Variants in LMO1 observed in about 807,000 individuals in gnomAD.
LMO1 encodes the protein LIM domain only 1.
Under a neutral mutation model 18.0 loss-of-function variants are expected in LMO1, and 10 were observed. That is an observed-to-expected ratio of 0.55 (90% confidence interval 0.34 to 0.94). The LOEUF is 0.94. LMO1 is among the 40% of genes least tolerant of loss of function. The probability of loss-of-function intolerance (pLI) is 0.02; values close to 1 mark genes in which losing one functional copy is unlikely to be tolerated. For missense variants in LMO1, 183 were observed against 205.7 expected (o/e 0.89, Z 0.68); for synonymous variants, 77 against 77.9 (o/e 0.99, Z 0.06).
At chr11:8,232,617 A>G (rs1423114283) in intron 1 of LMO1, among the ~76,000 whole-genome samples, 2 of 152,194 alleles carry the variant, frequency 1.3e-5, no homozygotes, top group African/African-American at 4.8e-5. Flanking sequence ...ATCTTGGGCC[A>G]GGCCCCCGCT....
chr11:8,267,074 A>C (rs59957911), upstream of LMO1, among the ~76,000 whole-genome samples: 19,518 of 152,226 alleles, frequency 0.13, 1,445 homozygotes, highest in South Asian at 0.24. Flanking sequence ...ACAGTCGGCA[A>C]ACTTTTCCTC....
upstream of LMO1, among the ~76,000 whole-genome samples, chr11:8,266,771 C>A: frequency 6.6e-6 from 1 of 152,188 alleles, no homozygotes; most frequent in East Asian, 1.9e-4. Context: ...TTACAGAAGT[C>A]TTTGGTGGAG....
intron 2 of LMO1, among the ~76,000 whole-genome samples, chr11:8,227,778 G>A (rs892435495): frequency 2.0e-5 from 3 of 152,212 alleles, no homozygotes; most frequent in Admixed American, 6.5e-5. Context: ...TCCAGAAGGC[G>A]TGCTCTAAAC....
upstream of LMO1, chr11:8,268,575 C>A: frequency 2.9e-6 from 2 of 690,850 alleles, no homozygotes; most frequent in South Asian, 6.6e-5. Context: ...AGAGCCGCGA[C>A]CGCCGACGGG....
At chr11:8,242,149 TG>T (rs1444477420) in intron 1 of LMO1, among the ~76,000 whole-genome samples, 1 of 152,210 alleles carries the variant, frequency 6.6e-6, no homozygotes, top group Non-Finnish European at 1.5e-5. Context: ...TCCTGGGTCA[TG>T]GCTGCCACAA....
chr11:8,226,220 C>A (rs1003100368), intron 3 of LMO1, among the ~76,000 whole-genome samples: 1 of 152,016 alleles, frequency 6.6e-6, no homozygotes, highest in Non-Finnish European at 1.5e-5. Context: ...ACAGGCTGGG[C>A]GCGGTGGCTC....
At chr11:8,254,619 C>T (rs1286900102) in intron 1 of LMO1, among the ~76,000 whole-genome samples, 2 of 63,668 alleles carry the variant, frequency 3.1e-5, no homozygotes, top group Non-Finnish European at 5.3e-5. Flanking sequence ...TATGGTCCCT[C>T]CCCACCGAGG....
intron 1 of LMO1, among the ~76,000 whole-genome samples, chr11:8,254,580 C>G (rs1847057440): frequency 6.7e-6 from 1 of 148,220 alleles, no homozygotes; most frequent in Non-Finnish European, 1.5e-5. Context: ...AGAGGAAAAC[C>G]TGAAAGAGGC....
intron 1 of LMO1, among the ~76,000 whole-genome samples, chr11:8,233,227 G>A (rs1460574296): frequency 2.0e-5 from 3 of 152,062 alleles, no homozygotes. Context: ...GGTCAGCCTG[G>A]CTGAGAAGGC....
intron 1 of LMO1, among the ~76,000 whole-genome samples, chr11:8,253,257 T>C (rs1006858862): frequency 5.3e-5 from 8 of 152,198 alleles, no homozygotes; most frequent in Admixed American, 1.3e-4. Context: ...ACTCCAGGCC[T>C]GTCTGGAGCA....
intron 2 of LMO1, among the ~76,000 whole-genome samples, 188 bp from the exon 3 acceptor site, chr11:8,227,288 A>G (rs1181676381): frequency 6.6e-6 from 1 of 152,196 alleles, no homozygotes; most frequent in African/African-American, 2.4e-5. Context: ...GGCTGCCAAT[A>G]AATCAGCACA....
rs176083 is a variant in LMO1 at position 8,263,434 on chromosome 11, A to C, written c.-72T>G. ...GGCGCCGACTCGGGGCGCGCTTTGGAGGGGCGGCCGGTCTTCGGGCAGCTA... is the reference window on the plus strand; with the variant it reads ...GGCGCCGACTCGGGGCGCGCTTTGGCGGGGCGGCCGGTCTTCGGGCAGCTA... On this transcript the variant is annotated 5_prime_UTR_variant, in exon 1 of 4. Coordinates refer to ENST00000335790, the MANE Select transcript of LMO1 (RefSeq NM_002315.3). The C allele has an allele frequency of 1, 1,577,756 of 1,583,184 alleles. 786,270 individuals are homozygous for C. The highest frequency in any genetic ancestry group is 1 in the East Asian group (42,916 of 42,918).
chr11:8,232,470 G>T (rs776496132), intron 1 of LMO1, among the ~76,000 whole-genome samples: 1 of 152,168 alleles, frequency 6.6e-6, no homozygotes, highest in East Asian at 1.9e-4. Flanking sequence ...AGTTAAAATA[G>T]CTGGATGGGG....
At chr11:8,259,775 G>A (rs1360501059) in intron 1 of LMO1, among the ~76,000 whole-genome samples, 1 of 152,332 alleles carries the variant, frequency 6.6e-6, no homozygotes, top group South Asian at 2.1e-4. Flanking sequence ...AGGGCTGGTT[G>A]GTACCCAAGC....
At chr11:8,268,528 G>T, upstream of LMO1, 10 of 1,207,308 alleles carry the variant, frequency 8.3e-6, no homozygotes, top group Non-Finnish European at 1.1e-5. Flanking sequence ...GGCCGCCTGC[G>T]CTGCTCCCGC....
chr11:8,247,898 T>C (rs1846923274), intron 1 of LMO1, among the ~76,000 whole-genome samples: 1 of 152,176 alleles, frequency 6.6e-6, no homozygotes, highest in African/African-American at 2.4e-5. Context: ...GCAAGTACCT[T>C]CCCTTTATGT....
chr11:8,242,281 C>T (rs1846808723), intron 1 of LMO1, among the ~76,000 whole-genome samples: 1 of 152,162 alleles, frequency 6.6e-6, no homozygotes, highest in African/African-American at 2.4e-5. Context: ...GCCCCTGCCT[C>T]CACTGCGTGC....
intron 1 of LMO1, among the ~76,000 whole-genome samples, chr11:8,255,323 G>A (rs923619685): frequency 1.4e-4 from 21 of 152,170 alleles, no homozygotes; most frequent in Non-Finnish European, 2.6e-4. Context: ...TCTGGGCAAC[G>A]TAATGAAATC....
At chr11:8,259,027 G>A (rs941494608) in intron 1 of LMO1, among the ~76,000 whole-genome samples, 26 of 152,124 alleles carry the variant, frequency 1.7e-4, no homozygotes, top group African/African-American at 4.1e-4. Flanking sequence ...GCCTCCCCTC[G>A]CTAATGCCAA....
Sources: allele counts gnomAD v4.1 joint callset (sites outside exome capture counted in the v4.1 genomes callset), GRCh38; gene constraint gnomAD v4.1.1; transcripts MANE v1.5; gene names NCBI Gene and HGNC (gene_info 2026-07-23, HGNC 2026-07-21).